The following PRMT8 variants were observed in gnomAD, a reference collection of about 807,000 sequenced individuals.
PRMT8 encodes protein arginine methyltransferase 8.
A neutral mutation model predicts 47.1 loss-of-function variants in PRMT8; 7 were observed. The observed-to-expected ratio is 0.15, with a 90% CI of 0.08 to 0.28. The LOEUF is 0.28. PRMT8 is among the 10% of genes least tolerant of loss of function. The probability of loss-of-function intolerance (pLI) is 1.00; values close to 1 mark genes in which losing one functional copy is unlikely to be tolerated. For synonymous variants in PRMT8, 188 were observed against 186.5 expected (o/e 1.01, Z -0.07); for missense variants, 237 against 505.4 (o/e 0.47, Z 5.09).
At chr12:3,549,142 TG>T (rs1866375253) in intron 2 of PRMT8, among the ~76,000 whole-genome samples, 2 of 152,318 alleles carry the variant, frequency 1.3e-5, no homozygotes, top group South Asian at 4.2e-4. Context: ...CAAAAGGGCA[TG>T]AAGGACTTTC....
intron 1 of PRMT8, among the ~76,000 whole-genome samples, chr12:3,449,219 A>G (rs1434566552): frequency 6.6e-6 from 1 of 152,166 alleles, no homozygotes; most frequent in Admixed American, 6.5e-5. Flanking sequence ...TATCTTTATA[A>G]TAGAATGATT....
At chr12:3,588,130 A>C (rs1169229088) in intron 8 of PRMT8, among the ~76,000 whole-genome samples, 1 of 152,220 alleles carries the variant, frequency 6.6e-6, no homozygotes, top group Admixed American at 6.5e-5. Flanking sequence ...CAAGGTAGGC[A>C]GATCAGACAT....
intron 1 of PRMT8, among the ~76,000 whole-genome samples, chr12:3,433,256 T>C (rs1864702118): frequency 6.6e-6 from 1 of 152,228 alleles, no homozygotes; most frequent in African/African-American, 2.4e-5. Context: ...CTTTGGACGA[T>C]TATAAGAGGA....
chr12:3,405,518 C>G (rs1460007334), intron 1 of PRMT8, among the ~76,000 whole-genome samples: 4 of 152,190 alleles, frequency 2.6e-5, no homozygotes, highest in African/African-American at 7.2e-5. Flanking sequence ...TCATCTGAGA[C>G]AAGGCAAGTC....
Position 3,465,149 on chromosome 12 carries a change from AT to A in PRMT8, c.49-75450del, listed in dbSNP as rs1324981221. On this transcript the variant is annotated intron_variant, in intron 1 of 9. Coordinates refer to the PRMT8 transcript ENST00000452611. ...AAAAAAATATATATATATATATATAATTTTTTTATAAAAAAATATATATTTA... is the reference window on the plus strand; with the variant it reads ...AAAAAAATATATATATATATATATAATTTTTTATAAAAAAATATATATTTA... 3.4e-4 allele frequency among the ~76,000 whole-genome samples: 39 copies of A among 114,354 alleles called. 1 individual carries two copies. The Middle Eastern group carries it at 0.021, about 63-fold the overall frequency. The allele number at this position is 114,354 out of a possible 152,430, so 75.0% of individuals were successfully genotyped here.
chr12:3,469,277 C>A, intron 1 of PRMT8: 1 of 432,258 alleles, frequency 2.3e-6, no homozygotes, highest in Admixed American at 2.3e-5. Flanking sequence ...GCCTCACGAC[C>A]CCCACCAAAG....
At chr12:3,574,792 T>G (rs560726021) in intron 6 of PRMT8, among the ~76,000 whole-genome samples, 6 of 152,352 alleles carry the variant, frequency 3.9e-5, no homozygotes, top group Admixed American at 1.3e-4. Flanking sequence ...CTCCAAAGCC[T>G]AGGCCTTTAA....
chr12:3,574,916 A>C (rs1866911141), intron 6 of PRMT8, among the ~76,000 whole-genome samples: 1 of 152,232 alleles, frequency 6.6e-6, no homozygotes, highest in Non-Finnish European at 1.5e-5. Flanking sequence ...CTTGAGAAAG[A>C]CACAGAAGGC....
chr12:3,448,863 T>C (rs1020769669), intron 1 of PRMT8, among the ~76,000 whole-genome samples: 1 of 152,142 alleles, frequency 6.6e-6, no homozygotes, highest in Non-Finnish European at 1.5e-5. Flanking sequence ...CCACATGCAT[T>C]AGCTATTTAT....
At chr12:3,481,244 TC>T (rs1046485830) in intron 1 of PRMT8, among the ~76,000 whole-genome samples, 1 of 152,124 alleles carries the variant, frequency 6.6e-6, no homozygotes, top group African/African-American at 2.4e-5. Context: ...CCCTCTCTCC[TC>T]CCCCAAGGCT....
At chr12:3,389,988 T>C (rs1458294103) in intron 1 of PRMT8, among the ~76,000 whole-genome samples, 4 of 152,270 alleles carry the variant, frequency 2.6e-5, no homozygotes, top group Non-Finnish European at 4.4e-5. Context: ...CGCTGGTTAT[T>C]GGCTTGGCTC....
rs528138937 is a variant in PRMT8 at position 3,540,403 on chromosome 12, G to A, written c.76-203G>A. Among the ~76,000 whole-genome samples the A allele has an allele frequency of 4.1e-4, 63 of 152,262 alleles. No homozygotes were observed. In the South Asian group the frequency reaches 7.5e-3, roughly 18 times the overall value. ...GAAATCTAGGTGTGTGTGGCTCCTCGGTGGACTGCCATCTCTGGACAGATC... is the reference window on the plus strand; with the variant it reads ...GAAATCTAGGTGTGTGTGGCTCCTCAGTGGACTGCCATCTCTGGACAGATC... On this transcript the variant is annotated intron_variant, in intron 1 of 9. Transcript: ENST00000382622.
chr12:3,481,234 C>A (rs1865271562), intron 1 of PRMT8, among the ~76,000 whole-genome samples: 1 of 152,188 alleles, frequency 6.6e-6, no homozygotes, highest in Admixed American at 6.5e-5. Context: ...GTAACAGGTG[C>A]CCTCTCTCCT....
chr12:3,430,013 C>A (rs1309409531), intron 1 of PRMT8, among the ~76,000 whole-genome samples: 1 of 152,166 alleles, frequency 6.6e-6, no homozygotes, highest in African/African-American at 2.4e-5. Context: ...CCTCAGACAC[C>A]AAGTTGTAGA....
At chr12:3,451,800 C>A (rs372166198) in intron 1 of PRMT8, among the ~76,000 whole-genome samples, 1 of 152,300 alleles carries the variant, frequency 6.6e-6, no homozygotes, top group African/African-American at 2.4e-5. Context: ...ATGGGAACTG[C>A]CTTAACTGGA....
intron 1 of PRMT8, among the ~76,000 whole-genome samples, chr12:3,496,222 T>A (rs1222509190): frequency 0.04 from 2,034 of 50,446 alleles, 196 homozygotes; most frequent in African/African-American, 0.16. Flanking sequence ...ATATTTTTTT[T>A]TTTTTTTTTT....
chr12:3,489,836 C>T (rs904110256), upstream of PRMT8, among the ~76,000 whole-genome samples: 23 of 108,010 alleles, frequency 2.1e-4, no homozygotes, highest in African/African-American at 5.5e-4. Flanking sequence ...CACACACACG[C>T]GCGCACACAC....
chr12:3,457,842 C>CTTT (rs762181050), intron 1 of PRMT8, among the ~76,000 whole-genome samples: 10 of 81,056 alleles, frequency 1.2e-4, no homozygotes, highest in African/African-American at 4.4e-4. Context: ...TTCCAGTTTG[C>CTTT]TTTTTTTTTT....
At position 3,531,249 on chromosome 12, in the gene PRMT8, G is replaced by A. The variant is rs927793399; in HGVS notation, c.76-9357G>A. ...GAGTGGAGAGGGAAGCCAGGGCTCC[G>A]TAACCCCCTTCAAGTCAAAGGAGGG... On this transcript the variant is annotated intron_variant, in intron 1 of 9. Coordinates refer to ENST00000382622, the MANE Select transcript of PRMT8 (RefSeq NM_019854.5). 5.3e-5 allele frequency among the ~76,000 whole-genome samples: 8 copies of A among 152,130 alleles called. 1 individual carries two copies. The highest frequency in any genetic ancestry group is 2.1e-4 in the South Asian group (1 of 4,816).
Sources: allele counts gnomAD v4.1 joint callset (sites outside exome capture counted in the v4.1 genomes callset), GRCh38; gene constraint gnomAD v4.1.1; transcripts MANE v1.5; gene names NCBI Gene and HGNC (gene_info 2026-07-23, HGNC 2026-07-21).